ERBIN: variants seen among roughly 807,000 people sequenced by gnomAD.
ERBIN encodes the protein erbb2 interacting protein.
In ERBIN, 60 loss-of-function variants were observed where a neutral mutation model predicts 158.4. The ratio of observed to expected loss-of-function variants is 0.38; its 90% CI spans 0.31 to 0.47. The LOEUF is 0.47. Among genes scored for constraint, ERBIN ranks in the 20% least tolerant of loss-of-function variants. The pLI is 0.99. For synonymous variants in ERBIN, 594 were observed against 557.2 expected, an observed-to-expected ratio of 1.07 and a Z score of -0.93; for missense variants, 1,610 against 1,648.0, an observed-to-expected ratio of 0.98 and a Z score of 0.40.
chr5:65,984,377 C>T (rs115272328), intron 1 of ERBIN, among the ~76,000 whole-genome samples: 1,692 of 152,326 alleles, frequency 0.011, 29 homozygotes, highest in Middle Eastern at 0.065. Context: ...GCACTGGGCC[C>T]GTTTCCCCTG....
At chr5:66,004,274 CG>C (rs1753327332) in intron 4 of ERBIN, among the ~76,000 whole-genome samples, 1 of 151,886 alleles carries the variant, frequency 6.6e-6, no homozygotes, top group Non-Finnish European at 1.5e-5. Flanking sequence ...AAGAAGTATA[CG>C]TCAAAGAAGA....
Position 66,012,045 on chromosome 5 carries a change from C to CT in ERBIN, c.308-3dup, listed in dbSNP as rs1754263718. 1 of 1,573,588 alleles carries CT rather than the reference C, an allele frequency of 6.4e-7. No individual in the cohort carries two copies. On this transcript the variant is annotated splice_region_variant and splice_polypyrimidine_tract_variant and intron_variant, in intron 4 of 25. Transcript: ENST00000284037. ...TTTTAATTTGATCGTTGTTTGTTTTCTAGGAATACAGGAGTTTCCAGAAAA... is the reference window on the plus strand; with the variant it reads ...TTTTAATTTGATCGTTGTTTGTTTTCTTAGGAATACAGGAGTTTCCAGAAAA...
intron 1 of ERBIN, among the ~76,000 whole-genome samples, chr5:65,950,926 G>A (rs1746424617): frequency 6.6e-6 from 1 of 152,110 alleles, no homozygotes; most frequent in Admixed American, 6.6e-5. Flanking sequence ...GTAAAAAGGG[G>A]CAATCAAATA....
At chr5:66,067,832 C>T (rs1159498059) in intron 21 of ERBIN, among the ~76,000 whole-genome samples, 1 of 152,060 alleles carries the variant, frequency 6.6e-6, no homozygotes, top group Non-Finnish European at 1.5e-5. Context: ...AAAAACTAGC[C>T]AGGCATGGTG....
chr5:65,959,071 CTTTA>C (rs1363435906), intron 1 of ERBIN, among the ~76,000 whole-genome samples: 3 of 152,272 alleles, frequency 2.0e-5, no homozygotes, highest in East Asian at 1.9e-4. Flanking sequence ...TACACATTAA[CTTTA>C]TTTATACGTG....
intron 21 of ERBIN, 193 bp downstream of exon 21, chr5:66,055,144 C>T: frequency 7.6e-7 from 1 of 1,316,426 alleles, no homozygotes; most frequent in South Asian, 2.2e-5. Flanking sequence ...TCTATCCTCT[C>T]CTTCACTCCC....
At chr5:65,933,733 C>T (rs1743730651) in intron 1 of ERBIN, among the ~76,000 whole-genome samples, 1 of 152,208 alleles carries the variant, frequency 6.6e-6, no homozygotes, top group East Asian at 1.9e-4. Context: ...AAATTCCGTT[C>T]TGTTCTTATC....
intron 7 of ERBIN, among the ~76,000 whole-genome samples, chr5:66,016,911 G>A (rs1040186000): frequency 1.3e-5 from 2 of 151,910 alleles, no homozygotes; most frequent in Admixed American, 6.6e-5. Flanking sequence ...CACCACACCC[G>A]GCTTGGGATC....
chr5:65,940,558 G>A lies in ERBIN; in HGVS notation c.-58+13752G>A, dbSNP rs1413427436. 1.0e-3 allele frequency among the ~76,000 whole-genome samples: 136 copies of A among 132,914 alleles called. 1 individual carries two copies. The highest frequency in any genetic ancestry group is 4.1e-3 in the African/African-American group (122 of 29,874). 87.2% of individuals were successfully genotyped at this position (132,914 alleles called of 152,430 possible). ...CTGCCCGGCCAGCCGCCCCGTCCGG[G>A]AGGTGAGGGGCGCCTCTGCCCGGCC... On this transcript the variant is annotated intron_variant, in intron 1 of 25. Coordinates refer to ENST00000284037, the MANE Select transcript of ERBIN (RefSeq NM_001253697.2).
rs750344725 is a variant in ERBIN at position 66,046,405 on chromosome 5, A to G, written c.1655A>G (p.Tyr552Cys). Reference sequence around the variant, plus strand: ...AGCAAAGTTGATGAAAGAGAAAAATATATGATAGGAAACTCTGTACAGAAG... The same window carrying G: ...AGCAAAGTTGATGAAAGAGAAAAATGTATGATAGGAAACTCTGTACAGAAG... ...VKSKVDEREK[Y>C]MIGNSVQKIS... is the part of the protein sequence containing the mutation. The change falls in exon 18 of 26, where the codon TAT (tyrosine) becomes TGT (cysteine). Residue 552 changes from tyrosine to cysteine, a missense_variant. By Grantham distance (194) the Tyr-to-Cys change is radical (BLOSUM62 -2). This residue lies in a region of ERBIN where 596 missense variants were observed against 711.9 expected (regional missense o/e 0.84). Transcript: ENST00000284037. 20 of 1,605,546 alleles carry G rather than the reference A, an allele frequency of 1.2e-5. No individual in the cohort carries two copies. In the South Asian group the frequency reaches 1.9e-4, roughly 15 times the overall value.
intron 1 of ERBIN, among the ~76,000 whole-genome samples, chr5:65,966,596 C>T (rs1018108788): frequency 6.9e-6 from 1 of 145,168 alleles, no homozygotes; most frequent in African/African-American, 2.5e-5. Context: ...AGGAGAATCG[C>T]TTGAACCCAG....
At chr5:65,971,463 T>C (rs1239969245) in intron 1 of ERBIN, among the ~76,000 whole-genome samples, 1 of 152,114 alleles carries the variant, frequency 6.6e-6, no homozygotes, top group Non-Finnish European at 1.5e-5. Flanking sequence ...GCTCAAAAGC[T>C]TTGGTATAAG....
chr5:66,067,020 G>A (rs1181954364), intron 21 of ERBIN, among the ~76,000 whole-genome samples: 1 of 152,190 alleles, frequency 6.6e-6, no homozygotes, highest in African/African-American at 2.4e-5. Context: ...GGCCACTTGA[G>A]TCAATAACAC....
At chr5:66,032,193 G>T (rs1248286792) in intron 14 of ERBIN, among the ~76,000 whole-genome samples, 1 of 152,236 alleles carries the variant, frequency 6.6e-6, no homozygotes, top group Non-Finnish European at 1.5e-5. Context: ...ATAGAGATCA[G>T]TTGGTGGAGG....
intron 1 of ERBIN, among the ~76,000 whole-genome samples, chr5:65,977,582 C>T (rs1317150097): frequency 6.6e-6 from 1 of 151,748 alleles, no homozygotes; most frequent in East Asian, 1.9e-4. Flanking sequence ...AGACGCTCCT[C>T]ACTTCCCAGA....
chr5:66,062,664 T>G (rs760434915), intron 21 of ERBIN, among the ~76,000 whole-genome samples: 1 of 152,192 alleles, frequency 6.6e-6, no homozygotes, highest in Non-Finnish European at 1.5e-5. Flanking sequence ...TCCCCATCTT[T>G]GTGGTTTTAT....
chr5:65,986,157 C>G (rs1309008823), intron 1 of ERBIN, among the ~76,000 whole-genome samples: 1 of 152,188 alleles, frequency 6.6e-6, no homozygotes, highest in Admixed American at 6.5e-5. Flanking sequence ...AGATGACTTT[C>G]AGATTTATAT....
rs1172326458 is a variant in ERBIN, at chr5:66,023,378, A to AT, written c.672+18dup. 1 of 1,553,238 alleles carries AT rather than the reference A, an allele frequency of 6.4e-7. No individual in the cohort carries two copies. The highest frequency in any genetic ancestry group is 1.4e-5 in the African/African-American group (1 of 73,668). The stretch of plus-strand genomic sequence containing the variant: ...TTTATTCCAGGGGTATGTATATGAG[A>AT]TTTTAAATGGCATCACTTATTTCTG... On this transcript the variant is annotated intron_variant, in intron 9 of 25. Transcript: ENST00000284037.
At chr5:66,006,301 C>T (rs1235396052) in intron 4 of ERBIN, among the ~76,000 whole-genome samples, 4 of 152,128 alleles carry the variant, frequency 2.6e-5, no homozygotes, top group African/African-American at 7.2e-5. Context: ...GAAAGAATTC[C>T]CTACTTAATA....
Sources: gnomAD v4.1 joint callset for allele counts (sites outside exome capture counted in the v4.1 genomes callset) on GRCh38, gnomAD v4.1.1 for gene constraint, gnomAD v4.1.1 regional missense constraint, MANE v1.5 for transcripts, NCBI Gene and HGNC (gene_info 2026-07-23, HGNC 2026-07-21) for gene names.